TRIM34: variants seen among roughly 807,000 people sequenced by gnomAD.
The protein encoded by TRIM34 is E3 ubiquitin-protein ligase TRIM34.
A neutral mutation model predicts 38.1 loss-of-function variants in TRIM34; 41 were observed. The ratio of observed to expected loss-of-function variants is 1.08; its 90% confidence interval spans 0.84 to 1.40. TRIM34 has a LOEUF of 1.40. Among genes scored for constraint, TRIM34 ranks in the 40% most tolerant of loss-of-function variants. The pLI is 0.00. For synonymous variants in TRIM34, 200 were observed against 202.5 expected (o/e 0.99, Z 0.10); for missense variants, 556 against 571.4 (o/e 0.97, Z 0.27).
At chr11:5,635,861 T>G (rs1302456028) in intron 4 of TRIM34, among the ~76,000 whole-genome samples, 2 of 152,214 alleles carry the variant, frequency 1.3e-5, no homozygotes, top group Non-Finnish European at 2.9e-5. Context: ...TTAGTATGGC[T>G]ATAATAAAAA....
chr11:5,620,526 G>C (rs55931953), upstream of TRIM34, among the ~76,000 whole-genome samples: 1 of 151,916 alleles, frequency 6.6e-6, no homozygotes, highest in African/African-American at 2.4e-5. Context: ...TGTGAGGGTT[G>C]CAGTAATGAG....
At chr11:5,636,900 A>C (rs1849757925) in intron 4 of TRIM34, among the ~76,000 whole-genome samples, 1 of 152,218 alleles carries the variant, frequency 6.6e-6, no homozygotes, top group Non-Finnish European at 1.5e-5. Context: ...TAATCCCAGC[A>C]CTTTGGGAGG....
chr11:5,624,770 C>T (rs1849127906), upstream of TRIM34: 1 of 152,226 alleles, frequency 6.6e-6, no homozygotes, highest in South Asian at 2.1e-4. Context: ...CCAAATGTGC[C>T]ATCTAGTGCA....
At position 5,643,939 on chromosome 11, in the gene TRIM34, G is replaced by A. The variant is rs12798155; in HGVS notation, c.*230G>A. The stretch of plus-strand genomic sequence containing the variant: ...CCTAATCCCTCCTAAAGACACAGCA[G>A]TATGGGTATAACATCCTTGCCTTCC... On this transcript the variant is annotated 3_prime_UTR_variant, in exon 8 of 8. Coordinates refer to ENST00000429814, the MANE Select transcript of TRIM34 (RefSeq NM_021616.6). 1.4e-4 allele frequency: 82 copies of A among 567,698 alleles called. No homozygotes were observed. The highest frequency in any genetic ancestry group is 2.2e-4 in the Non-Finnish European group (76 of 339,354). 35.2% of individuals were successfully genotyped at this position (567,698 alleles called of 1,614,324 possible).
At chr11:5,632,820 TC>T in intron 2 of TRIM34, 66 bp downstream of exon 2, 12 of 1,184,266 alleles carry the variant, frequency 1.0e-5, no homozygotes, top group South Asian at 5.5e-5. Context: ...CACCTTTTCA[TC>T]CTTTTTTTTT....
chr11:5,622,857 C>T (rs754121960), upstream of TRIM34, among the ~76,000 whole-genome samples: 30 of 152,190 alleles, frequency 2.0e-4, no homozygotes, highest in Non-Finnish European at 3.8e-4. Context: ...CCATGACAGC[C>T]TCAGGAGGTC....
chr11:5,621,403 C>G (rs1848987708), upstream of TRIM34, among the ~76,000 whole-genome samples: 1 of 152,202 alleles, frequency 6.6e-6, no homozygotes, highest in Non-Finnish European at 1.5e-5. Flanking sequence ...CTTGCCAACT[C>G]TTGTTAGCCA....
chr11:5,634,492 TACACACACACACAC>T lies in TRIM34; in HGVS notation c.520-113_520-100del, dbSNP rs3060967. ...AATATATATATACAGATAATATAAA[TACACACACACACAC>T]ACACACACACACACACACACACACA... On this transcript the variant is annotated intron_variant, in intron 3 of 7. Transcript: ENST00000429814. 7.8e-3 allele frequency: 1,787 copies of T among 228,010 alleles called. 10 individuals carry two copies. The highest frequency in any genetic ancestry group is 0.017 in the African/African-American group (596 of 35,120). 14.1% of individuals were successfully genotyped at this position (228,010 alleles called of 1,614,324 possible).
Position 5,643,468 on chromosome 11 carries a change from G to T in TRIM34, c.1226G>T (p.Gly409Val), listed in dbSNP as rs761765281. ...GGGTTACAGAATAAATGTAAGTATG[G>T]TGTCTTTGAAGAGTCTTTGTCCTCT... ...VIGLQNKCKYGVFEESLSSDP... is the reference protein window; with the variant it reads ...VIGLQNKCKYVVFEESLSSDP... The change falls in exon 8 of 8, where the codon GGT becomes GTT. Residue 409 changes from glycine to valine, a missense_variant. Gly to Val is a moderately radical substitution (Grantham distance 109, BLOSUM62 -3). Transcript: ENST00000429814. 6.2e-7 allele frequency: 1 copy of T among 1,614,048 alleles called. No individual in the cohort carries two copies.
chr11:5,643,104 T>C (rs1045895496), intron 7 of TRIM34, 40 bp from the exon 8 acceptor site: 4 of 1,128,346 alleles, frequency 3.5e-6, no homozygotes, highest in Non-Finnish European at 3.4e-6. Flanking sequence ...CAGATGATTA[T>C]ATTCATATAC....
At chr11:5,622,840 G>T (rs1319831170), upstream of TRIM34, among the ~76,000 whole-genome samples, 2 of 152,166 alleles carry the variant, frequency 1.3e-5, no homozygotes, top group African/African-American at 4.8e-5. Context: ...CAAGGTTAAG[G>T]ATGCACCCAT....
Position 5,643,586 on chromosome 11 carries a change from T to C in TRIM34, c.1344T>C (p.Asn448=). Residue 448 remains asparagine, a synonymous_variant, in exon 8 of 8, where the codon AAT becomes AAC. Coordinates refer to ENST00000429814, the MANE Select transcript of TRIM34 (RefSeq NM_021616.6). ...AAGCAGGCATTGTCTCATTTTTCAATGTCACAAGCCATGGCTCCCTCATTT... is the reference window on the plus strand; with the variant it reads ...AAGCAGGCATTGTCTCATTTTTCAACGTCACAAGCCATGGCTCCCTCATTT... ...DYEAGIVSFF[N]VTSHGSLIYK... 1.2e-6 allele frequency: 2 copies of C among 1,614,150 alleles called. No homozygotes were observed. The highest frequency in any genetic ancestry group is 1.7e-6 in the Non-Finnish European group (2 of 1,180,002).
At chr11:5,636,844 T>C (rs569599691) in intron 4 of TRIM34, among the ~76,000 whole-genome samples, 1 of 152,296 alleles carries the variant, frequency 6.6e-6, no homozygotes, top group Non-Finnish European at 1.5e-5. Flanking sequence ...TCCTCTCCAA[T>C]ATGTTAAGAT....
In TRIM34 at chr11:5,643,134, T is replaced by C; in HGVS notation, c.902-10T>C. On this transcript the variant is annotated splice_polypyrimidine_tract_variant and intron_variant, in intron 7 of 7. Coordinates refer to ENST00000429814, the MANE Select transcript of TRIM34 (RefSeq NM_021616.6). ...ATATACATATATATATATTTTTTTT[T>C]TTCTTGCAGTGGATGTCACACTGAA... 1 of 1,394,942 alleles carries C rather than the reference T, an allele frequency of 7.2e-7. No homozygotes were observed. The highest frequency in any genetic ancestry group is 9.3e-7 in the Non-Finnish European group (1 of 1,073,150). 86.4% of individuals were successfully genotyped at this position (1,394,942 alleles called of 1,614,324 possible).
chr11:5,643,741 T>A lies in TRIM34; in HGVS notation c.*32T>A, dbSNP rs761446394. On this transcript the variant is annotated 3_prime_UTR_variant, in exon 8 of 8. Transcript: ENST00000429814. ...TCATTTCTTCACCTACAACCCTTTG[T>A]CTTGACTTATCTCCTGCAACTGACT... The A allele has an allele frequency of 1.3e-6, 2 of 1,540,988 alleles. No individual in the cohort carries two copies. Among genetic ancestry groups the A allele is most frequent in the Non-Finnish European group, 1.7e-6 (2 of 1,150,012 alleles).
chr11:5,636,510 T>C (rs191276750), intron 4 of TRIM34, among the ~76,000 whole-genome samples: 9 of 152,340 alleles, frequency 5.9e-5, no homozygotes, highest in African/African-American at 2.2e-4. Flanking sequence ...GCAAATCTTA[T>C]GGTATTTGAA....
At chr11:5,629,442 T>C (rs1321520683) in intron 1 of TRIM34, among the ~76,000 whole-genome samples, 1 of 152,178 alleles carries the variant, frequency 6.6e-6, no homozygotes, top group East Asian at 1.9e-4. Flanking sequence ...CTAGAACAAG[T>C]ATCAAAATGT....
chr11:5,643,091 A>G (rs954278150), intron 7 of TRIM34, 53 bp from the exon 8 acceptor site: 1 of 1,261,528 alleles, frequency 7.9e-7, no homozygotes, highest in African/African-American at 1.5e-5. Flanking sequence ...CATATATATC[A>G]CACAGATGAT....
intron 2 of TRIM34, among the ~76,000 whole-genome samples, chr11:5,633,544 C>T (rs185480593): frequency 7.4e-4 from 112 of 152,300 alleles, no homozygotes; most frequent in Non-Finnish European, 1.4e-3. Flanking sequence ...GAGGAAAGGA[C>T]TTTCTGCAGG....
Sources: gnomAD v4.1 joint callset for allele counts (sites outside exome capture counted in the v4.1 genomes callset) on GRCh38, gnomAD v4.1.1 for gene constraint, MANE v1.5 for transcripts, NCBI Gene and HGNC (gene_info 2026-07-23, HGNC 2026-07-21) for gene names.